Variants in RAD51B observed in about 807,000 individuals in gnomAD.
RAD51B encodes RAD51 paralog B, also known as DNA repair protein RAD51 homolog 2.
In RAD51B, 38 loss-of-function variants were observed where a neutral mutation model predicts 42.2. That is an observed-to-expected ratio of 0.90 (90% CI 0.70 to 1.18). RAD51B has a LOEUF of 1.18. Among genes scored for constraint, RAD51B ranks in the 50% most tolerant of loss-of-function variants. The pLI, the probability that RAD51B is intolerant of heterozygous loss-of-function variation, is 0.00. For synonymous variants in RAD51B, 154 were observed against 145.2 expected (o/e 1.06, Z -0.43); for missense variants, 373 against 400.7 (o/e 0.93, Z 0.59).
intron 7 of RAD51B, among the ~76,000 whole-genome samples, chr14:68,270,854 G>A (rs2081091384): frequency 6.6e-6 from 1 of 152,036 alleles, no homozygotes; most frequent in Non-Finnish European, 1.5e-5. Context: ...TGCAAGTTAG[G>A]GGATAAAGCC....
chr14:68,656,887 C>T (rs1892827426), intron 11 of RAD51B, among the ~76,000 whole-genome samples: 1 of 152,208 alleles, frequency 6.6e-6, no homozygotes. Context: ...GAACTACCAC[C>T]CTCTCTTTGA....
chr14:68,120,943 T>C (rs550265445), intron 7 of RAD51B, among the ~76,000 whole-genome samples: 1 of 152,266 alleles, frequency 6.6e-6, no homozygotes, highest in Non-Finnish European at 1.5e-5. Context: ...AAAAGACATA[T>C]TTTATATTTT....
Position 68,594,579 on chromosome 14 carries a change from C to T in RAD51B, c.1131C>T (p.Cys377=), listed in dbSNP as rs140342849. ...CTGAGCAGCTAGGACTACAGATGTG[C>T]CACCATACCCAGCTAATTTTTTAAT... Residue 377 remains cysteine (C), a synonymous_variant, in exon 11 of 11, where the codon TGC becomes TGT. Transcript: ENST00000487270. 37 of 1,298,518 alleles carry T rather than the reference C, an allele frequency of 2.8e-5. No individual in the cohort carries two copies. The East Asian group carries it at 1.5e-3, about 52-fold the overall frequency. The allele number at this position is 1,298,518 out of a possible 1,614,324, so 80.4% of individuals were successfully genotyped here.
At chr14:68,627,653 A>G (rs1026392921) in intron 10 of RAD51B, among the ~76,000 whole-genome samples, 2 of 152,162 alleles carry the variant, frequency 1.3e-5, no homozygotes, top group Non-Finnish European at 2.9e-5. Context: ...GCCAGTCCCC[A>G]TTACCTATGG....
At chr14:68,130,126 A>C (rs2077855642) in intron 7 of RAD51B, 1 of 152,314 alleles carries the variant, frequency 6.6e-6, no homozygotes, top group East Asian at 1.9e-4. Context: ...ATTCCTCTGC[A>C]GCTTTAGAAC....
chr14:68,168,193 T>C (rs2078793171), intron 7 of RAD51B, among the ~76,000 whole-genome samples: 2 of 152,156 alleles, frequency 1.3e-5, no homozygotes, highest in Non-Finnish European at 2.9e-5. Flanking sequence ...TCTTTATATA[T>C]GGAATTGTAT....
intron 7 of RAD51B, among the ~76,000 whole-genome samples, chr14:67,975,401 G>T (rs1222521607): frequency 6.6e-6 from 1 of 152,080 alleles, no homozygotes; most frequent in Non-Finnish European, 1.5e-5. Context: ...GGTCTCCTTG[G>T]CATTCAAAGC....
intron 7 of RAD51B, among the ~76,000 whole-genome samples, chr14:68,004,525 T>A (rs746349273): frequency 6.6e-6 from 1 of 152,134 alleles, no homozygotes. Context: ...CATGAAGATA[T>A]GGTAAAACTT....
chr14:67,891,472 A>G (rs1342750702), intron 7 of RAD51B, among the ~76,000 whole-genome samples: 1 of 152,148 alleles, frequency 6.6e-6, no homozygotes. Context: ...GAATCAAAAT[A>G]TGTGCATTTT....
chr14:67,824,015 C>G (rs2040724648), intron 2 of RAD51B, among the ~76,000 whole-genome samples: 1 of 152,184 alleles, frequency 6.6e-6, no homozygotes, highest in Non-Finnish European at 1.5e-5. Context: ...TAGAGCGGAT[C>G]TTGCATTTTT....
chr14:67,880,613 G>A (rs1032791254), intron 5 of RAD51B, among the ~76,000 whole-genome samples: 2 of 152,090 alleles, frequency 1.3e-5, no homozygotes, highest in South Asian at 2.1e-4. Flanking sequence ...AATAATAGCC[G>A]TTTTGAGGTT....
chr14:67,915,479 C>G (rs1245059097), intron 7 of RAD51B, among the ~76,000 whole-genome samples: 1 of 152,150 alleles, frequency 6.6e-6, no homozygotes, highest in Non-Finnish European at 1.5e-5. Flanking sequence ...GAACTGATAC[C>G]TCTAGCTTTA....
chr14:68,391,711 G>GA (rs938391326), intron 8 of RAD51B, among the ~76,000 whole-genome samples: 4 of 151,410 alleles, frequency 2.6e-5, no homozygotes, highest in Admixed American at 6.6e-5. Flanking sequence ...CCTGTATGTG[G>GA]AAAAAAAATG....
At chr14:68,285,325 A>G (rs1038785080) in intron 7 of RAD51B, among the ~76,000 whole-genome samples, 4 of 152,222 alleles carry the variant, frequency 2.6e-5, no homozygotes, top group Non-Finnish European at 4.4e-5. Flanking sequence ...TATGGCAATT[A>G]GGATCACTTC....
At chr14:67,944,364 A>G (rs1201270063) in intron 7 of RAD51B, among the ~76,000 whole-genome samples, 1 of 152,102 alleles carries the variant, frequency 6.6e-6, no homozygotes, top group African/African-American at 2.4e-5. Context: ...TGCCTTATTT[A>G]TGAGGGTTTT....
At chr14:67,958,617 T>G (rs1200918406) in intron 7 of RAD51B, among the ~76,000 whole-genome samples, 2 of 152,242 alleles carry the variant, frequency 1.3e-5, no homozygotes, top group African/African-American at 4.8e-5. Flanking sequence ...TTATTTTCAT[T>G]CCTTTTCTTA....
At chr14:68,095,267 T>C (rs1190450392) in intron 7 of RAD51B, among the ~76,000 whole-genome samples, 1 of 152,098 alleles carries the variant, frequency 6.6e-6, no homozygotes, top group Non-Finnish European at 1.5e-5. Context: ...CATTGAACAC[T>C]GACTAATTAC....
At chr14:68,175,457 A>C (rs1402970775) in intron 7 of RAD51B, among the ~76,000 whole-genome samples, 1 of 152,168 alleles carries the variant, frequency 6.6e-6, no homozygotes, top group African/African-American at 2.4e-5. Flanking sequence ...GTGCTACCTC[A>C]CAAGCATAGC....
intron 9 of RAD51B, among the ~76,000 whole-genome samples, chr14:68,415,187 A>T (rs565423116): frequency 6.6e-6 from 1 of 152,082 alleles, no homozygotes; most frequent in South Asian, 2.1e-4. Context: ...TGTTTATTTT[A>T]TTTGTAAAGC....
Sources: allele counts gnomAD v4.1 joint callset (sites outside exome capture counted in the v4.1 genomes callset), GRCh38; gene constraint gnomAD v4.1.1; transcripts MANE v1.5; gene names NCBI Gene and HGNC (gene_info 2026-07-23, HGNC 2026-07-21).